The following CCDC38 variants were observed in gnomAD, a reference collection of about 807,000 sequenced individuals.
CCDC38 encodes coiled-coil domain-containing protein 38.
CCDC38 carries 69 observed loss-of-function variants against 72.8 expected under a neutral mutation model. The observed-to-expected ratio is 0.95, with a 90% CI of 0.78 to 1.16. The LOEUF (loss-of-function observed/expected upper bound fraction) is 1.16, where lower values mean the gene tolerates loss of function less well. CCDC38 is among the 50% of genes most tolerant of loss of function. The pLI, the probability that CCDC38 is intolerant of heterozygous loss-of-function variation, is 0.00. For missense variants in CCDC38, 626 were observed against 638.9 expected, an observed-to-expected ratio of 0.98 and a Z score of 0.22; for synonymous variants, 201 against 213.2, an observed-to-expected ratio of 0.94 and a Z score of 0.50.
chr12:95,904,077 A>G (rs1162673815), intron 5 of CCDC38, among the ~76,000 whole-genome samples: 2 of 151,854 alleles, frequency 1.3e-5, no homozygotes, highest in East Asian at 3.8e-4. Flanking sequence ...GCTACCATTT[A>G]TTTCTTTCTT....
intron 2 of CCDC38, among the ~76,000 whole-genome samples, chr12:95,927,613 C>T (rs980582252): frequency 6.6e-6 from 1 of 152,198 alleles, no homozygotes; most frequent in South Asian, 2.1e-4. Context: ...CTCGTTAGTT[C>T]ATGCAGTTTC....
chr12:95,869,710 C>G, intron 14 of CCDC38, 137 bp from the exon 15 acceptor site: 1 of 625,300 alleles, frequency 1.6e-6, no homozygotes, highest in Non-Finnish European at 2.8e-6. Flanking sequence ...CATCTTTACT[C>G]ATAACCGTGG....
chr12:95,906,252 C>A, intron 5 of CCDC38, 135 bp downstream of exon 5: 1 of 628,136 alleles, frequency 1.6e-6, no homozygotes, highest in Non-Finnish European at 2.8e-6. Flanking sequence ...AATTAATGAA[C>A]ACGTGAAAAA....
chr12:95,887,059 C>A (rs1397690121), intron 10 of CCDC38, among the ~76,000 whole-genome samples: 1 of 152,150 alleles, frequency 6.6e-6, no homozygotes, highest in Non-Finnish European at 1.5e-5. Flanking sequence ...GTGGCAGGCA[C>A]CTGTAATCCC....
intron 10 of CCDC38, chr12:95,885,879 C>T (rs2079753254): frequency 1.3e-5 from 2 of 152,326 alleles, no homozygotes; most frequent in African/African-American, 4.8e-5. Flanking sequence ...TCCATTAATA[C>T]TATGGTTGTA....
At chr12:95,901,332 G>A (rs1015229727) in intron 5 of CCDC38, among the ~76,000 whole-genome samples, 1 of 152,198 alleles carries the variant, frequency 6.6e-6, no homozygotes, top group Non-Finnish European at 1.5e-5. Flanking sequence ...GTAGGAAAGA[G>A]TATATTAGGG....
At chr12:95,897,992 CAG>C (rs1482267672) in intron 7 of CCDC38, among the ~76,000 whole-genome samples, 4 of 152,014 alleles carry the variant, frequency 2.6e-5, no homozygotes, top group African/African-American at 9.7e-5. Context: ...GTCCCAATTT[CAG>C]AGATGTTAAA....
At chr12:95,888,564 A>G in intron 9 of CCDC38, 58 bp from the exon 10 acceptor site, 1 of 1,532,110 alleles carries the variant, frequency 6.5e-7, no homozygotes, top group Non-Finnish European at 9.0e-7. Context: ...GAAAAGAAAT[A>G]ACATGGAATT....
intron 7 of CCDC38, among the ~76,000 whole-genome samples, chr12:95,897,304 C>G (rs1443124198): frequency 6.6e-6 from 1 of 152,120 alleles, no homozygotes; most frequent in Non-Finnish European, 1.5e-5. Flanking sequence ...AAGGAAGCTT[C>G]TTTAGCTACT....
chr12:95,930,094 T>C (rs1395595667), intron 2 of CCDC38, among the ~76,000 whole-genome samples: 2 of 152,164 alleles, frequency 1.3e-5, no homozygotes, highest in African/African-American at 4.8e-5. Context: ...AAGGCCACAT[T>C]CCCAGTTTCC....
chr12:95,926,522 T>G (rs2136732275), intron 2 of CCDC38, among the ~76,000 whole-genome samples: 1 of 152,190 alleles, frequency 6.6e-6, no homozygotes, highest in South Asian at 2.1e-4. Context: ...TTTGAAGGGT[T>G]TTTTGTGTCT....
rs1214520214 is a variant in CCDC38, at chr12:95,882,841, A to G, written c.921-1287T>C. Among the ~76,000 whole-genome samples, 4 of 152,198 alleles carry G rather than the reference A, an allele frequency of 2.6e-5. 1 individual carries two copies. On this transcript the variant is annotated intron_variant, in intron 10 of 15. Transcript: ENST00000344280. Reference sequence around the variant, plus strand: ...CTTGAGCTTTAGATTTCAATGTCCAACCTTCAACTGGACATCATTACCCAC... The same window carrying G: ...CTTGAGCTTTAGATTTCAATGTCCAGCCTTCAACTGGACATCATTACCCAC...
rs2080312574 is a variant in CCDC38, at chr12:95,929,457, T to C, written c.37+7016A>G. Among the ~76,000 whole-genome samples, 5 of 152,300 alleles carry C rather than the reference T, an allele frequency of 3.3e-5. No individual in the cohort carries two copies. The South Asian group carries it at 1.0e-3, about 32-fold the overall frequency. ...CACTGTCTGGCACTCCCTAGTGAGA[T>C]GAACCCGGTACCTCAGATGGAAATG... On this transcript the variant is annotated intron_variant, in intron 2 of 15. Coordinates refer to ENST00000344280, the MANE Select transcript of CCDC38 (RefSeq NM_182496.3).
At chr12:95,918,727 G>A in intron 3 of CCDC38, 149 bp downstream of exon 3, 2 of 598,250 alleles carry the variant, frequency 3.3e-6, no homozygotes, top group East Asian at 2.8e-5. Flanking sequence ...TGTCGTTTGT[G>A]TTCACACTGT....
chr12:95,918,004 G>A (rs2080164941), intron 3 of CCDC38, among the ~76,000 whole-genome samples: 1 of 151,940 alleles, frequency 6.6e-6, no homozygotes, highest in Non-Finnish European at 1.5e-5. Context: ...TTTTAAGTAT[G>A]TTCCACAAAA....
At chr12:95,877,717 T>A (rs982418388) in intron 13 of CCDC38, among the ~76,000 whole-genome samples, 6 of 152,124 alleles carry the variant, frequency 3.9e-5, no homozygotes, top group African/African-American at 1.4e-4. Flanking sequence ...AACTTGTCAA[T>A]AAATAAGTGT....
chr12:95,926,457 G>A (rs1467292155), intron 2 of CCDC38, among the ~76,000 whole-genome samples: 7 of 151,494 alleles, frequency 4.6e-5, no homozygotes, highest in South Asian at 4.2e-4. Flanking sequence ...TCTTGCTAGC[G>A]GTCTATCAAT....
At chr12:95,878,391 A>G (rs1292051271) in intron 12 of CCDC38, 45 bp from the exon 13 acceptor site, 13 of 1,587,466 alleles carry the variant, frequency 8.2e-6, no homozygotes, top group African/African-American at 1.4e-5. Flanking sequence ...ATTTGTGGTT[A>G]GTGAAATAAC....
intron 4 of CCDC38, 99 bp downstream of exon 4, chr12:95,917,030 G>A: frequency 1.2e-6 from 1 of 822,588 alleles, no homozygotes; most frequent in Non-Finnish European, 1.8e-6. Flanking sequence ...TTATAAGAGA[G>A]CATACTGTCT....
Sources: gnomAD v4.1 joint callset for allele counts (sites outside exome capture counted in the v4.1 genomes callset) on GRCh38, gnomAD v4.1.1 for gene constraint, MANE v1.5 for transcripts, NCBI Gene and HGNC (gene_info 2026-07-23, HGNC 2026-07-21) for gene names.